Variants in TP73 observed in about 807,000 individuals in gnomAD.
The protein encoded by TP73 is p53-like transcription factor.
Under a neutral mutation model 62.5 loss-of-function variants are expected in TP73, and 25 were observed. The ratio of observed to expected loss-of-function variants is 0.40; its 90% CI spans 0.29 to 0.56. The LOEUF (loss-of-function observed/expected upper bound fraction) is 0.56. Among genes scored for constraint, TP73 ranks in the 20% least tolerant of loss-of-function variants. TP73 has a pLI of 0.46. For missense variants in TP73, 754 were observed against 913.3 expected (o/e 0.83, Z 2.25); for synonymous variants, 423 against 377.5 (o/e 1.12, Z -1.40).
At chr1:3,726,018 T>G (rs1031909656) in intron 6 of TP73, among the ~76,000 whole-genome samples, 4 of 31,582 alleles carry the variant, frequency 1.3e-4, no homozygotes, top group Non-Finnish European at 2.3e-4. Context: ...ATGGGGTGGG[T>G]GTGGGGGTGG....
intron 4 of TP73, among the ~76,000 whole-genome samples, chr1:3,713,853 C>T (rs984333958): frequency 6.6e-6 from 1 of 152,194 alleles, no homozygotes; most frequent in African/African-American, 2.4e-5. Context: ...GATGGGGCTG[C>T]AGAGGCCGTG....
chr1:3,703,502 C>T (rs957023278), intron 3 of TP73, among the ~76,000 whole-genome samples: 2 of 152,226 alleles, frequency 1.3e-5, no homozygotes, highest in East Asian at 1.9e-4. Context: ...CGCGTGGGGC[C>T]GCCTGCCGCA....
rs1413263368 is a variant in TP73, at chr1:3,733,380, C to T, written c.*301C>T. On this transcript the variant is annotated 3_prime_UTR_variant, in exon 14 of 14. Transcript: ENST00000378295. ...CTGCCCCGGCGTGCTCCATGGCAGG[C>T]GTGGGTGGGGACCGCAGCGTCGGCT... The T allele has an allele frequency of 6.6e-6, 3 of 457,146 alleles. No individual in the cohort carries two copies. Among genetic ancestry groups the T allele is most frequent in the Non-Finnish European group, 1.2e-5 (3 of 254,698 alleles). 28.3% of individuals were successfully genotyped at this position (457,146 alleles called of 1,614,324 possible).
chr1:3,700,526 A>G (rs1639070339), intron 3 of TP73, among the ~76,000 whole-genome samples: 1 of 152,122 alleles, frequency 6.6e-6, no homozygotes, highest in East Asian at 1.9e-4. Flanking sequence ...AATCACTCAA[A>G]TGCCCCACGC....
In TP73 at chr1:3,666,784, T is replaced by G. The variant is rs1645124774; in HGVS notation, c.-34+14143T>G. Among the ~76,000 whole-genome samples, 1 of 152,114 alleles carries G rather than the reference T, an allele frequency of 6.6e-6. No individual in the cohort carries two copies. The highest frequency in any genetic ancestry group is 6.6e-5 in the Admixed American group (1 of 15,264). On this transcript the variant is annotated intron_variant, in intron 1 of 13. Transcript: ENST00000378295. The surrounding 1 kb of genome is among the most constrained non-coding windows in gnomAD (Gnocchi z 6.4). ...TCTGAGCAGACGCGACTCAGTGCCA[T>G]GCGGGCGTCTCTCCCAGGGCGGCTT... is the stretch of plus-strand genomic sequence containing the variant.
chr1:3,659,713 C>T (rs139236360), intron 1 of TP73, among the ~76,000 whole-genome samples: 144 of 152,270 alleles, frequency 9.5e-4, no homozygotes, highest in African/African-American at 3.3e-3. Flanking sequence ...CAGAGTTCCA[C>T]TCCGTCGCTC....
At chr1:3,677,968 G>C (rs538419204) in intron 1 of TP73, among the ~76,000 whole-genome samples, 1 of 152,128 alleles carries the variant, frequency 6.6e-6, no homozygotes, top group Admixed American at 6.5e-5. Context: ...GCCTCCTAAA[G>C]TGTTGGGATT....
chr1:3,715,700 C>A (rs1413996679), intron 4 of TP73, among the ~76,000 whole-genome samples: 1 of 152,208 alleles, frequency 6.6e-6, no homozygotes, highest in Non-Finnish European at 1.5e-5. Context: ...GAGGCAGACA[C>A]CTTGGGCAAA....
chr1:3,729,334 G>A lies in TP73; in HGVS notation c.1082G>A (p.Gly361Asp), dbSNP rs1557587665. ...CTGCTCCTCTGTGCTCAGGTGCGAG[G>A]CCGGGAGAACTTTGAGATCCTGATG... ...DEDTYYLQVR[G>D]RENFEILMKL... The change falls in exon 10 of 14, where the codon GGC (glycine) becomes GAC (aspartate). Residue 361 changes from glycine (G) to aspartate (D), a missense_variant. Physicochemically the swap from Gly to Asp is moderately conservative, Grantham distance 94. Transcript: ENST00000378295. 6.2e-7 allele frequency: 1 copy of A among 1,613,200 alleles called. No individual in the cohort carries two copies. The highest frequency in any genetic ancestry group is 8.5e-7 in the Non-Finnish European group (1 of 1,179,996).
At chr1:3,711,369 CT>C (rs1186725147) in intron 4 of TP73, among the ~76,000 whole-genome samples, 7 of 152,368 alleles carry the variant, frequency 4.6e-5, no homozygotes, top group African/African-American at 1.7e-4. Flanking sequence ...CTGCTGGCCA[CT>C]CCTGTCCTGG....
In TP73 at chr1:3,668,057, T is replaced by C. The variant is rs139118404; in HGVS notation, c.-33-14276T>C. On this transcript the variant is annotated intron_variant, in intron 1 of 13. Transcript: ENST00000378295. Reference sequence around the variant, plus strand: ...TTGCTCCTCCTGTCACCCACCCACCTTTTGTCTCCAACAAGGATGTTGAGA... The same window carrying C: ...TTGCTCCTCCTGTCACCCACCCACCCTTTGTCTCCAACAAGGATGTTGAGA... 2.0e-5 allele frequency among the ~76,000 whole-genome samples: 3 copies of C among 152,300 alleles called. No individual in the cohort carries two copies. The East Asian group carries it at 5.8e-4, about 29-fold the overall frequency.
intron 4 of TP73, among the ~76,000 whole-genome samples, chr1:3,718,966 C>T (rs1298404511): frequency 6.6e-6 from 1 of 152,142 alleles, no homozygotes; most frequent in East Asian, 1.9e-4. Context: ...CCAGGGGACA[C>T]GCAGTGAGTC....
chr1:3,710,166 C>A (rs540390564), intron 4 of TP73, among the ~76,000 whole-genome samples: 3 of 148,150 alleles, frequency 2.0e-5, no homozygotes, highest in Non-Finnish European at 4.5e-5. Flanking sequence ...CACCTCCTCG[C>A]TCCCTCCCTG....
rs530995550 is a variant in TP73, at chr1:3,729,424, A to G, written c.1172A>G (p.Gln391Arg). Residue 391 changes from glutamine (Q) to arginine (R), a missense_variant, in exon 10 of 14, where the codon CAG (glutamine) becomes CGG (arginine). Transcript: ENST00000378295. ...VPQPLVDSYR[Q>R]QQQLLQRPSH... ...CAGCCACTGGTGGACTCCTATCGGC[A>G]GCAGCAGCAGCTCCTACAGAGGCCG... The G allele has an allele frequency of 1.4e-5, 22 of 1,612,388 alleles. No individual in the cohort carries two copies. Among genetic ancestry groups the G allele is most frequent in the South Asian group, 7.7e-5 (7 of 91,072 alleles).
chr1:3,682,016 C>T (rs976781190), intron 1 of TP73, among the ~76,000 whole-genome samples: 6 of 152,236 alleles, frequency 3.9e-5, no homozygotes, highest in East Asian at 1.9e-4. Flanking sequence ...GCCCCAGGAG[C>T]GGGTGTTGCT....
At chr1:3,684,641 C>T (rs1645607986) in intron 3 of TP73, among the ~76,000 whole-genome samples, 1 of 152,058 alleles carries the variant, frequency 6.6e-6, no homozygotes, top group Non-Finnish European at 1.5e-5. Context: ...CTGGGCTGGC[C>T]CAGAGCCATG....
chr1:3,722,009 C>G lies in TP73; in HGVS notation c.430-12C>G. On this transcript the variant is annotated splice_polypyrimidine_tract_variant and intron_variant, in intron 4 of 13. Transcript: ENST00000378295. ...ACCACTGGTCTCACCCGCTCCCTCTCCCCCACTCCAGTACTCCCCGCTCTT... is the reference window on the plus strand; with the variant it reads ...ACCACTGGTCTCACCCGCTCCCTCTGCCCCACTCCAGTACTCCCCGCTCTT... 8 of 1,597,240 alleles carry G rather than the reference C, an allele frequency of 5.0e-6. No homozygotes were observed. The highest frequency in any genetic ancestry group is 6.8e-6 in the Non-Finnish European group (8 of 1,169,056).
chr1:3,653,537 T>C (rs1644804225), intron 1 of TP73, among the ~76,000 whole-genome samples: 1 of 152,246 alleles, frequency 6.6e-6, no homozygotes, highest in Non-Finnish European at 1.5e-5. Flanking sequence ...GGAAAAGCAA[T>C]GCACCCCAAA....
intron 3 of TP73, chr1:3,690,862 G>T: frequency 6.4e-7 from 1 of 1,558,520 alleles, no homozygotes; most frequent in East Asian, 2.4e-5. Flanking sequence ...CTCGTCCCAC[G>T]GGACACCAGT....
Sources: allele counts gnomAD v4.1 joint callset (sites outside exome capture counted in the v4.1 genomes callset), GRCh38; gene constraint gnomAD v4.1.1; non-coding constraint Gnocchi (gnomAD v3.1); transcripts MANE v1.5; gene names NCBI Gene and HGNC (gene_info 2026-07-23, HGNC 2026-07-21).